Variants in CNOT1 observed in about 807,000 individuals in gnomAD.
The protein encoded by CNOT1 is CCR4-associated factor 1.
In CNOT1, 15 loss-of-function variants were observed where a neutral mutation model predicts 273.8. The observed-to-expected ratio is 0.05, with a 90% CI of 0.04 to 0.08. CNOT1 has a LOEUF of 0.08. Ranked by LOEUF, CNOT1 falls within the 10% of genes least tolerant of loss-of-function variation. CNOT1 has a pLI of 1.00. For missense variants in CNOT1, 1,644 were observed against 2,912.2 expected (o/e 0.56, Z 10.02); for synonymous variants, 1,022 against 1,005.5 (o/e 1.02, Z -0.31).
At chr16:58,543,998 T>C in intron 30 of CNOT1, 95 bp from the exon 31 acceptor site, 1 of 1,463,536 alleles carries the variant, frequency 6.8e-7, no homozygotes, top group Non-Finnish European at 9.0e-7. Context: ...AAATCAAGAT[T>C]AACCAAAAAC....
intron 1 of CNOT1, among the ~76,000 whole-genome samples, chr16:58,628,621 T>G (rs74020122): frequency 0.013 from 1,930 of 146,448 alleles, 42 homozygotes; most frequent in African/African-American, 0.047. Flanking sequence ...AAAACCCAAG[T>G]AGTCACAGGC....
chr16:58,599,845 C>T (rs1387998332), intron 1 of CNOT1, among the ~76,000 whole-genome samples: 4 of 152,054 alleles, frequency 2.6e-5, no homozygotes, highest in African/African-American at 7.2e-5. Flanking sequence ...GCAGGCAGAT[C>T]ACAAGGGCAG....
Position 58,546,714 on chromosome 16 carries a change from A to G in CNOT1, c.3786T>C (p.Ile1262=), listed in dbSNP as rs1462240836. ...GATGTAGCTCAGCTAATACATTCAT[A>G]ATTGCCATTGTCCAAGGGTTTGGTG... is the stretch of plus-strand genomic sequence containing the variant. The part of the protein sequence containing the change: ...FRPPNPWTMA[I]MNVLAELHQE... The change falls in exon 28 of 49, where the codon ATT becomes ATC. Residue 1262 remains isoleucine (I), a synonymous_variant. Coordinates refer to ENST00000317147, the MANE Select transcript of CNOT1 (RefSeq NM_016284.5). The G allele has an allele frequency of 3.7e-6, 6 of 1,613,992 alleles. No homozygotes were observed. The highest frequency in any genetic ancestry group is 1.7e-4 in the Middle Eastern group (1 of 6,058).
At chr16:58,581,070 A>ACC (rs1413783569) in intron 11 of CNOT1, among the ~76,000 whole-genome samples, 1 of 126,948 alleles carries the variant, frequency 7.9e-6, no homozygotes, top group African/African-American at 3.2e-5. Flanking sequence ...GTTAAAAGAC[A>ACC]TTTCTGAGCC....
At chr16:58,573,572 C>T (rs2041358863) in intron 16 of CNOT1, among the ~76,000 whole-genome samples, 1 of 149,610 alleles carries the variant, frequency 6.7e-6, no homozygotes, top group Non-Finnish European at 1.5e-5. Flanking sequence ...GCTCTGCCTC[C>T]TGGGTTCACA....
intron 1 of CNOT1, among the ~76,000 whole-genome samples, chr16:58,607,743 G>C (rs200287504): frequency 2.4e-5 from 2 of 82,506 alleles, no homozygotes; most frequent in Admixed American, 2.4e-4. Flanking sequence ...AAAAAAGAAA[G>C]AAAGAAAGAA....
At chr16:58,567,303 G>A (rs966656670) in intron 16 of CNOT1, among the ~76,000 whole-genome samples, 1 of 151,964 alleles carries the variant, frequency 6.6e-6, no homozygotes, top group Non-Finnish European at 1.5e-5. Context: ...GGGTAATAGA[G>A]TGAGACTATT....
At chr16:58,594,952 A>G (rs1013423250) in intron 2 of CNOT1, among the ~76,000 whole-genome samples, 1 of 151,922 alleles carries the variant, frequency 6.6e-6, no homozygotes, top group African/African-American at 2.4e-5. Flanking sequence ...GTCTCTACTA[A>G]AAATACAAAA....
At chr16:58,528,384 G>T in intron 44 of CNOT1, 91 bp downstream of exon 44, 1 of 872,238 alleles carries the variant, frequency 1.1e-6, no homozygotes, top group Non-Finnish European at 1.9e-6. Flanking sequence ...TGCGTGTTAT[G>T]TTGGGTAGGA....
At chr16:58,588,760 T>C (rs2151988504) in intron 3 of CNOT1, 39 bp downstream of exon 3, 1 of 1,599,016 alleles carries the variant, frequency 6.3e-7, no homozygotes, top group East Asian at 2.3e-5. Context: ...ATTTAACAAT[T>C]ACAGCTAAGT....
chr16:58,539,878 G>A lies in CNOT1; in HGVS notation c.4882C>T (p.Pro1628Ser). 3 of 1,614,200 alleles carry A rather than the reference G, an allele frequency of 1.9e-6. No individual in the cohort carries two copies. The highest frequency in any genetic ancestry group is 2.5e-6 in the Non-Finnish European group (3 of 1,180,036). The change falls in exon 35 of 49, where the codon CCA (proline) becomes TCA (serine). Residue 1628 changes from proline to serine, a missense_variant. Pro to Ser is a moderately conservative substitution (Grantham distance 74). This residue lies in a region of CNOT1 where 170 missense variants were observed against 273.1 expected (regional missense o/e 0.62). Transcript: ENST00000317147. Reference sequence around the variant, plus strand: ...GCTTGAGGGTTCATGGCCAAAGTTGGTGGGATGGCATGTAGATGTTGCTCC... The same window carrying A: ...GCTTGAGGGTTCATGGCCAAAGTTGATGGGATGGCATGTAGATGTTGCTCC... ...ELEQHLHAIP[P>S]TLAMNPQAQA...
rs1165444126 is a variant in CNOT1 at position 58,583,076 on chromosome 16, T to C, written c.913A>G (p.Thr305Ala). 6.2e-7 allele frequency: 1 copy of C among 1,613,970 alleles called. No individual in the cohort carries two copies. Among genetic ancestry groups the C allele is most frequent in the Non-Finnish European group, 8.5e-7 (1 of 1,180,024 alleles). The change falls in exon 9 of 49, where the codon ACA becomes GCA. Residue 305 changes from threonine (T) to alanine (A), a missense_variant. Thr to Ala is a moderately conservative substitution (Grantham distance 58). Coordinates refer to ENST00000317147, the MANE Select transcript of CNOT1 (RefSeq NM_016284.5). ...CACACCTGTAATGGAATGCCATCTG[T>C]TAATCCTGAATGAGTTCGAGCCATC... ...GMMARTHSGL[T>A]DGIPLQSISA...
In CNOT1 at chr16:58,554,241, G is replaced by GT. The variant is rs1224664877; in HGVS notation, c.2892-382dup. 2.6e-5 allele frequency among the ~76,000 whole-genome samples: 4 copies of GT among 151,554 alleles called. No individual in the cohort carries two copies. In the East Asian group the frequency reaches 5.8e-4, roughly 22 times the overall value. On this transcript the variant is annotated intron_variant, in intron 21 of 48. Transcript: ENST00000317147. Reference sequence around the variant, plus strand: ...AAACAGACTACTGAAACGTAGTAACGTAAGTCTCAAAAAACTACATATTTG... The same window carrying GT: ...AAACAGACTACTGAAACGTAGTAACGTTAAGTCTCAAAAAACTACATATTTG...
At chr16:58,598,250 T>C (rs746816307) in intron 2 of CNOT1, among the ~76,000 whole-genome samples, 8 of 151,860 alleles carry the variant, frequency 5.3e-5, no homozygotes, top group Non-Finnish European at 1.0e-4. Flanking sequence ...ATACAAAAAT[T>C]AGCCGAGCAT....
intron 1 of CNOT1, among the ~76,000 whole-genome samples, chr16:58,628,172 T>C (rs1255214488): frequency 6.6e-6 from 1 of 152,208 alleles, no homozygotes; most frequent in Non-Finnish European, 1.5e-5. Context: ...CCCACACTTG[T>C]TGAAAAGGAA....
intron 1 of CNOT1, among the ~76,000 whole-genome samples, chr16:58,628,332 CAT>C (rs747400908): frequency 3.3e-5 from 5 of 152,162 alleles, no homozygotes; most frequent in East Asian, 3.9e-4. Context: ...ACTGTTACCA[CAT>C]GTCTTCTTAA....
chr16:58,605,620 G>A (rs148581021), intron 1 of CNOT1, among the ~76,000 whole-genome samples: 22 of 152,274 alleles, frequency 1.4e-4, no homozygotes, highest in African/African-American at 5.1e-4. Context: ...TAAGGAAAAA[G>A]AAGCAATCAT....
chr16:58,587,752 C>T (rs1418306038), intron 4 of CNOT1, 28 bp downstream of exon 4: 1 of 1,604,804 alleles, frequency 6.2e-7, no homozygotes, highest in South Asian at 1.1e-5. Flanking sequence ...GGAGAGATCA[C>T]ACTCTTAAAG....
Position 58,523,378 on chromosome 16 carries a change from C to T in CNOT1, c.6909G>A (p.Gln2303=). The T allele has an allele frequency of 1.3e-6, 2 of 1,592,126 alleles. No homozygotes were observed. Among genetic ancestry groups the T allele is most frequent in the Non-Finnish European group, 1.7e-6 (2 of 1,167,700 alleles). The change falls in exon 47 of 49, where the codon CAG becomes CAA. Residue 2303 remains glutamine, a synonymous_variant. Coordinates refer to ENST00000317147, the MANE Select transcript of CNOT1 (RefSeq NM_016284.5). The part of the protein sequence containing the change: ...AEANTEAIQE[Q]ITRVLLERLI... Reference sequence around the variant, plus strand: ...ATAAGCTGCTCGCTTACCTTGTGATCTGTTCTTGGATGGCTTCCGTATTGG... The same window carrying T: ...ATAAGCTGCTCGCTTACCTTGTGATTTGTTCTTGGATGGCTTCCGTATTGG...
Sources: allele counts gnomAD v4.1 joint callset (sites outside exome capture counted in the v4.1 genomes callset), GRCh38; gene constraint gnomAD v4.1.1; regional missense constraint gnomAD v4.1.1; transcripts MANE v1.5; gene names NCBI Gene and HGNC (gene_info 2026-07-23, HGNC 2026-07-21).